The following PARP8 variants were observed in gnomAD, a reference collection of about 807,000 sequenced individuals.
PARP8 encodes the protein poly(ADP-ribose) polymerase family member 8.
PARP8 carries 51 observed loss-of-function variants against 124.1 expected under a neutral mutation model. The ratio of observed to expected loss-of-function variants is 0.41; its 90% CI spans 0.33 to 0.52. The LOEUF (loss-of-function observed/expected upper bound fraction) is 0.52, where lower values mean the gene tolerates loss of function less well. PARP8 is among the 20% of genes least tolerant of loss of function. The probability of loss-of-function intolerance (pLI) is 0.21; values close to 1 mark genes in which losing one functional copy is unlikely to be tolerated. For synonymous variants in PARP8, 391 were observed against 361.5 expected, an observed-to-expected ratio of 1.08 and a Z score of -0.93; for missense variants, 860 against 1,018.9, an observed-to-expected ratio of 0.84 and a Z score of 2.12.
chr5:50,776,671 C>A (rs1740066208), intron 7 of PARP8, among the ~76,000 whole-genome samples: 1 of 152,010 alleles, frequency 6.6e-6, no homozygotes, highest in Non-Finnish European at 1.5e-5. Flanking sequence ...TTCTAATATG[C>A]TTTGGTTTTT....
At chr5:50,738,031 C>A (rs1207730231) in intron 2 of PARP8, among the ~76,000 whole-genome samples, 3 of 152,132 alleles carry the variant, frequency 2.0e-5, no homozygotes, top group Non-Finnish European at 4.4e-5. Flanking sequence ...ATTTTAGTAA[C>A]CACTTAGAAA....
rs889017483 is a variant in PARP8, at chr5:50,794,240, A to G, written c.771A>G (p.Lys257=). ...IMQTFVTQQW[K]QSKEKSNCLH... The stretch of plus-strand genomic sequence containing the variant: ...AGACATTTGTTACACAGCAGTGGAA[A>G]CAGAGCAAAGAAAAATCCAATTGCC... The change falls in exon 11 of 26, where the codon AAA becomes AAG. Residue 257 remains lysine, a synonymous_variant. Transcript: ENST00000281631. The G allele has an allele frequency of 6.2e-7, 1 of 1,613,616 alleles. No homozygotes were observed. Among genetic ancestry groups the G allele is most frequent in the African/African-American group, 1.3e-5 (1 of 75,050 alleles).
At chr5:50,691,044 G>A (rs956343174) in intron 2 of PARP8, among the ~76,000 whole-genome samples, 5 of 152,104 alleles carry the variant, frequency 3.3e-5, no homozygotes, top group Non-Finnish European at 5.9e-5. Context: ...CCTCATCATC[G>A]TTTCTTCCTC....
chr5:50,816,391 T>C (rs1268604327), intron 15 of PARP8, among the ~76,000 whole-genome samples: 1 of 152,166 alleles, frequency 6.6e-6, no homozygotes, highest in Non-Finnish European at 1.5e-5. Flanking sequence ...TAAAAAATTA[T>C]TTGCTAATAC....
intron 2 of PARP8, chr5:50,744,841 T>C: frequency 1.5e-6 from 1 of 684,892 alleles, no homozygotes; most frequent in Non-Finnish European, 2.6e-6. Flanking sequence ...GTCCACCTTC[T>C]TTCACTTTCA....
chr5:50,796,961 T>G (rs1742626247), intron 12 of PARP8, 21 bp from the exon 13 acceptor site: 3 of 1,595,172 alleles, frequency 1.9e-6, no homozygotes, highest in African/African-American at 2.7e-5. Context: ...TTATCATTTT[T>G]TTTTACTTTG....
intron 17 of PARP8, 45 bp downstream of exon 17, chr5:50,822,445 T>C (rs760537087): frequency 6.9e-7 from 1 of 1,444,648 alleles, no homozygotes; most frequent in African/African-American, 1.4e-5. Context: ...TTAAAATGTC[T>C]GAGAGTTCTA....
At chr5:50,679,045 T>G (rs1002994558) in intron 2 of PARP8, among the ~76,000 whole-genome samples, 1 of 152,218 alleles carries the variant, frequency 6.6e-6, no homozygotes, top group African/African-American at 2.4e-5. Flanking sequence ...TAACAATTTC[T>G]AATAAAAAAC....
Position 50,821,284 on chromosome 5 carries a change from A to AT in PARP8, c.1741dup (p.Tyr581LeufsTer8). ...CTAGAAAAGTTGTGATTTTCGAGCC[A>AT]TATCCTTCTGTGGTAGATCCTAATG... is the stretch of plus-strand genomic sequence containing the variant. On this transcript the variant is annotated frameshift_variant, in exon 16 of 26. Transcript: ENST00000281631. LOFTEE classifies it high-confidence loss of function. The AT allele has an allele frequency of 6.2e-7, 1 of 1,614,094 alleles. No homozygotes were observed. Among genetic ancestry groups the AT allele is most frequent in the Non-Finnish European group, 8.5e-7 (1 of 1,179,948 alleles).
chr5:50,761,321 C>T (rs1465842033), intron 5 of PARP8, among the ~76,000 whole-genome samples: 1 of 152,098 alleles, frequency 6.6e-6, no homozygotes, highest in East Asian at 1.9e-4. Context: ...AATTCTGAAA[C>T]AAATAATTTC....
At chr5:50,817,339 A>C (rs949629730) in intron 15 of PARP8, among the ~76,000 whole-genome samples, 1 of 152,194 alleles carries the variant, frequency 6.6e-6, no homozygotes, top group African/African-American at 2.4e-5. Context: ...TAGTAATTCT[A>C]CTCCAAAGAC....
intron 9 of PARP8, 129 bp downstream of exon 9, chr5:50,778,779 A>G: frequency 2.1e-6 from 1 of 470,478 alleles, no homozygotes. Flanking sequence ...TATTTAAAGA[A>G]GCTTGCAGTC....
intron 15 of PARP8, among the ~76,000 whole-genome samples, chr5:50,815,756 C>G (rs541347857): frequency 1.1e-4 from 17 of 152,166 alleles, no homozygotes; most frequent in Admixed American, 1.1e-3. Context: ...CTTTCCATTG[C>G]ATGAAAAATA....
chr5:50,750,062 G>C, intron 2 of PARP8, 89 bp from the exon 3 acceptor site: 1 of 993,716 alleles, frequency 1.0e-6, no homozygotes, highest in Non-Finnish European at 1.6e-6. Flanking sequence ...TAACTGAATG[G>C]GTAACATGGG....
intron 2 of PARP8, among the ~76,000 whole-genome samples, chr5:50,707,290 A>C (rs1754251039): frequency 6.6e-6 from 1 of 152,046 alleles, no homozygotes; most frequent in Admixed American, 6.5e-5. Context: ...CCCAAGGTTC[A>C]ACTCCTGCAG....
At chr5:50,709,714 A>C (rs1326880428) in intron 2 of PARP8, among the ~76,000 whole-genome samples, 1 of 151,816 alleles carries the variant, frequency 6.6e-6, no homozygotes, top group Non-Finnish European at 1.5e-5. Flanking sequence ...TTCCACAAAA[A>C]AATGCCAGTG....
chr5:50,729,165 A>G (rs772355698), intron 2 of PARP8, among the ~76,000 whole-genome samples: 5 of 152,156 alleles, frequency 3.3e-5, no homozygotes, highest in Non-Finnish European at 7.4e-5. Flanking sequence ...GTGACTATGA[A>G]CTAAGTAAAA....
At chr5:50,834,096 C>G in intron 24 of PARP8, 48 bp downstream of exon 24, 4 of 1,395,590 alleles carry the variant, frequency 2.9e-6, no homozygotes, top group Non-Finnish European at 4.0e-6. Flanking sequence ...CCTAGCTCAT[C>G]TATAATTAAA....
chr5:50,804,588 T>C (rs6876637), intron 14 of PARP8, among the ~76,000 whole-genome samples: 1,540 of 152,300 alleles, frequency 0.01, 23 homozygotes, highest in African/African-American at 0.035. Context: ...ATTCTACTTA[T>C]AGCATTTTGG....
Sources: gnomAD v4.1 joint callset for allele counts (sites outside exome capture counted in the v4.1 genomes callset) on GRCh38, gnomAD v4.1.1 for gene constraint, MANE v1.5 for transcripts, NCBI Gene and HGNC (gene_info 2026-07-23, HGNC 2026-07-21) for gene names.